Variants in DNAJC6 observed in about 807,000 individuals in gnomAD.
DNAJC6 encodes the protein DnaJ heat shock protein family (Hsp40) member C6.
In DNAJC6, 34 loss-of-function variants were observed where a neutral mutation model predicts 110.0. The observed-to-expected ratio is 0.31, with a 90% CI of 0.24 to 0.41. DNAJC6 has a LOEUF of 0.41. Ranked by LOEUF, DNAJC6 falls within the 10% of genes least tolerant of loss-of-function variation. DNAJC6 has a pLI of 1.00. For missense variants in DNAJC6, 1,031 were observed against 1,207.8 expected (o/e 0.85, Z 2.17); for synonymous variants, 406 against 437.2 (o/e 0.93, Z 0.89).
rs777857299 is a variant in DNAJC6, at chr1:65,412,981, G to A, written c.2869G>A (p.Ala957Thr). The change falls in exon 19 of 19, where the codon GCC becomes ACC. Residue 957 changes from alanine (A) to threonine (T), a missense_variant. By Grantham distance (58) the Ala-to-Thr change is moderately conservative (BLOSUM62 0). Coordinates refer to ENST00000371069, the MANE Select transcript of DNAJC6 (RefSeq NM_001256864.2). ...AKMIFMELNDAWSEFENQGQK... is the reference protein window; with the variant it reads ...AKMIFMELNDTWSEFENQGQK... ...GATGATTTTCATGGAGCTCAATGAT[G>A]CCTGGTCTGAATTTGAAAACCAAGG... 2 of 1,614,060 alleles carry A rather than the reference G, an allele frequency of 1.2e-6. No individual in the cohort carries two copies. Among genetic ancestry groups the A allele is most frequent in the South Asian group, 1.1e-5 (1 of 91,074 alleles).
chr1:65,389,216 T>G, intron 9 of DNAJC6, 40 bp from the exon 10 acceptor site: 1 of 1,573,998 alleles, frequency 6.4e-7, no homozygotes. Context: ...CCAGTTCCAT[T>G]GTTTTTCACT....
chr1:65,390,696 T>C (rs1192738160), intron 11 of DNAJC6, among the ~76,000 whole-genome samples: 1 of 152,226 alleles, frequency 6.6e-6, no homozygotes, highest in Non-Finnish European at 1.5e-5. Context: ...GTTGTGTGAA[T>C]GTAAGATAAT....
chr1:65,266,044 G>C (rs1020657278), intron 1 of DNAJC6, among the ~76,000 whole-genome samples: 2 of 152,252 alleles, frequency 1.3e-5, no homozygotes, highest in South Asian at 2.1e-4. Flanking sequence ...GTGCGCAGGT[G>C]GGGGCTGGCA....
At chr1:65,308,518 A>C (rs923593654), upstream of DNAJC6, among the ~76,000 whole-genome samples, 2 of 152,244 alleles carry the variant, frequency 1.3e-5, no homozygotes, top group Admixed American at 1.3e-4. Context: ...GGTTTTGTTC[A>C]GATCCAGAAC....
At chr1:65,302,500 AC>A (rs1644996659) in intron 1 of DNAJC6, among the ~76,000 whole-genome samples, 1 of 132,820 alleles carries the variant, frequency 7.5e-6, no homozygotes, top group African/African-American at 2.9e-5. Context: ...CTCCCCCTTA[AC>A]CCCCTTGCTG....
intron 1 of DNAJC6, among the ~76,000 whole-genome samples, chr1:65,327,798 A>T (rs1249150286): frequency 6.6e-6 from 1 of 152,242 alleles, no homozygotes; most frequent in Non-Finnish European, 1.5e-5. Flanking sequence ...GTATTACCAA[A>T]TAGAATATTA....
chr1:65,290,624 TTTG>T (rs773275530), intron 1 of DNAJC6, among the ~76,000 whole-genome samples: 2 of 152,356 alleles, frequency 1.3e-5, no homozygotes, highest in Admixed American at 6.5e-5. Context: ...GTTAGCATTT[TTTG>T]TTGTTGTTGT....
In DNAJC6 at chr1:65,401,301, A is replaced by G. The variant is rs771544717; in HGVS notation, c.2108-460A>G. Among the ~76,000 whole-genome samples, 75 of 152,198 alleles carry G rather than the reference A, an allele frequency of 4.9e-4. 1 individual carries two copies. Among genetic ancestry groups the G allele is most frequent in the South Asian group, 1.9e-3 (9 of 4,818 alleles). On this transcript the variant is annotated intron_variant, in intron 14 of 18. Coordinates refer to ENST00000371069, the MANE Select transcript of DNAJC6 (RefSeq NM_001256864.2). ...CTGAACAGCAGTTTTTAGCTTGACA[A>G]TTGTCCCATTTGTTTTTCTTTTGTT...
At chr1:65,320,035 C>T (rs1645183922) in intron 1 of DNAJC6, among the ~76,000 whole-genome samples, 1 of 152,200 alleles carries the variant, frequency 6.6e-6, no homozygotes, top group African/African-American at 2.4e-5. Flanking sequence ...TGACTTAGTT[C>T]TCAGTCTGCT....
chr1:65,279,291 T>C (rs1653771128), intron 1 of DNAJC6, among the ~76,000 whole-genome samples: 1 of 151,812 alleles, frequency 6.6e-6, no homozygotes, highest in Admixed American at 6.6e-5. Context: ...TGGGAACCAG[T>C]GTTAAAAGGA....
chr1:65,266,148 C>T (rs539920278), intron 1 of DNAJC6, among the ~76,000 whole-genome samples: 88 of 152,348 alleles, frequency 5.8e-4, no homozygotes, highest in Non-Finnish European at 1.3e-4. Context: ...CCCCAAAGCT[C>T]TCTGCGCGCA....
chr1:65,349,859 G>A (rs1252887367), intron 1 of DNAJC6, among the ~76,000 whole-genome samples: 1 of 152,104 alleles, frequency 6.6e-6, no homozygotes, highest in Non-Finnish European at 1.5e-5. Flanking sequence ...CAGGGACAAT[G>A]TTGGTTCTCT....
chr1:65,364,509 C>T lies in DNAJC6; in HGVS notation c.194-126C>T, dbSNP rs1015864658. On this transcript the variant is annotated intron_variant, in intron 1 of 18. Transcript: ENST00000371069. ...AGTTCTGAGAGTGGGACACAATTTCCAGGAATATCTGTCCCAGACTCTTAA... is the reference window on the plus strand; with the variant it reads ...AGTTCTGAGAGTGGGACACAATTTCTAGGAATATCTGTCCCAGACTCTTAA... 10 of 1,146,498 alleles carry T rather than the reference C, an allele frequency of 8.7e-6. No individual in the cohort carries two copies. In the Admixed American group the frequency reaches 1.1e-4, roughly 13 times the overall value. 71.0% of individuals were successfully genotyped at this position (1,146,498 alleles called of 1,614,324 possible). A position where few individuals can be genotyped will look rare whatever the true frequency, so the allele number is the denominator to read the frequency against.
intron 1 of DNAJC6, among the ~76,000 whole-genome samples, chr1:65,297,305 G>A (rs1644937938): frequency 6.6e-6 from 1 of 152,150 alleles, no homozygotes; most frequent in African/African-American, 2.4e-5. Flanking sequence ...CTTTGACTGA[G>A]GGTGATAGGA....
rs1330522023 is a variant in DNAJC6 at position 65,408,722 on chromosome 1, G to A, written c.2573G>A (p.Arg858Gln). The change falls in exon 17 of 19, where the codon CGG becomes CAG. Residue 858 changes from arginine to glutamine, a missense_variant. Physicochemically the swap from Arg to Gln is conservative, Grantham distance 43. Transcript: ENST00000371069. ...GCTCACAAAGACAAAAAGGGGCCTC[G>A]GACAATAGCTGAGATGAGAAAGGAG... ...FNAHKDKKGP[R>Q]TIAEMRKEEM... 5.6e-6 allele frequency: 9 copies of A among 1,613,862 alleles called. No homozygotes were observed. The highest frequency in any genetic ancestry group is 2.2e-5 in the East Asian group (1 of 44,884).
chr1:65,404,307 CTTTG>C, intron 15 of DNAJC6, among the ~76,000 whole-genome samples: 1 of 152,300 alleles, frequency 6.6e-6, no homozygotes, highest in East Asian at 1.9e-4. Flanking sequence ...TATAACGTCT[CTTTG>C]TTTGCTTAAT....
chr1:65,336,267 T>G (rs1645335707), intron 1 of DNAJC6, among the ~76,000 whole-genome samples: 1 of 152,022 alleles, frequency 6.6e-6, no homozygotes. Context: ...AACTATTATA[T>G]CTTGTGAGAA....
chr1:65,293,787 G>T (rs757045052), intron 1 of DNAJC6, among the ~76,000 whole-genome samples: 6 of 152,146 alleles, frequency 3.9e-5, no homozygotes, highest in African/African-American at 1.4e-4. Context: ...AGATATGCAC[G>T]TACAGAGGCA....
intron 1 of DNAJC6, among the ~76,000 whole-genome samples, chr1:65,276,521 C>T (rs370853535): frequency 5.3e-5 from 8 of 152,160 alleles, no homozygotes; most frequent in Admixed American, 4.6e-4. Context: ...GTTTAGTCTA[C>T]TTCTGGTTCT....
Sources: gnomAD v4.1 joint callset for allele counts (sites outside exome capture counted in the v4.1 genomes callset) on GRCh38, gnomAD v4.1.1 for gene constraint, MANE v1.5 for transcripts, NCBI Gene and HGNC (gene_info 2026-07-23, HGNC 2026-07-21) for gene names.